NRGN: variants seen among roughly 807,000 people sequenced by gnomAD.
The protein encoded by NRGN is calmodulin-binding protein.
For synonymous variants in NRGN, 47 were observed against 52.8 expected (o/e 0.89, Z 0.47); for missense variants, 82 against 123.0 (o/e 0.67, Z 1.58).
At chr11:124,741,557 G>A (rs1591421270) in intron 1 of NRGN, among the ~76,000 whole-genome samples, 1 of 151,926 alleles carries the variant, frequency 6.6e-6, no homozygotes, top group East Asian at 1.9e-4. Context: ...GCAATTTTTT[G>A]GTTGTGAAGG....
chr11:124,743,902 G>GAA (rs56291708), intron 1 of NRGN, among the ~76,000 whole-genome samples: 1 of 134,936 alleles, frequency 7.4e-6, no homozygotes, highest in Non-Finnish European at 1.6e-5. Context: ...TTCATGAAAA[G>GAA]AAAAAAAAAA....
intron 1 of NRGN, among the ~76,000 whole-genome samples, chr11:124,742,050 T>C (rs905035743): frequency 3.9e-5 from 6 of 152,112 alleles, no homozygotes; most frequent in African/African-American, 7.2e-5. Flanking sequence ...CCTTCCCAAG[T>C]CATGCCCTGT....
Position 124,739,950 on chromosome 11 carries a change from C to G in NRGN, c.-135C>G. On this transcript the variant is annotated 5_prime_UTR_variant, in exon 1 of 4. Transcript: ENST00000284292. ...GCGGAGCCGAGCGCGGGAGACCGGA[C>G]CCGAGAGCAGAGCTGCTGTTTCGGC... The G allele has an allele frequency of 2.2e-6, 1 of 451,726 alleles. No individual in the cohort carries two copies. The highest frequency in any genetic ancestry group is 3.9e-6 in the Non-Finnish European group (1 of 254,270). 28.0% of individuals were successfully genotyped at this position (451,726 alleles called of 1,614,324 possible).
Position 124,745,450 on chromosome 11 carries a change from C to T in NRGN, c.16-53C>T. 2 of 1,383,350 alleles carry T rather than the reference C, an allele frequency of 1.4e-6. No individual in the cohort carries two copies. Among genetic ancestry groups the T allele is most frequent in the Middle Eastern group, 3.7e-4 (2 of 5,390 alleles). The allele number at this position is 1,383,350 out of a possible 1,614,324, so 85.7% of individuals were successfully genotyped here. On this transcript the variant is annotated intron_variant, in intron 1 of 3. Coordinates refer to ENST00000284292, the MANE Select transcript of NRGN (RefSeq NM_006176.3). This position sits in a 1 kb window ranked among gnomAD's most constrained non-coding sequence, Gnocchi z 6.4. Reference sequence around the variant, plus strand: ...CTCAGGGCTCTATTCCTACCCCACTCCCGCGGATCAAGACCCAGTGACCCC... The same window carrying T: ...CTCAGGGCTCTATTCCTACCCCACTTCCGCGGATCAAGACCCAGTGACCCC...
chr11:124,743,652 A>G (rs936885983), intron 1 of NRGN, among the ~76,000 whole-genome samples: 2 of 152,190 alleles, frequency 1.3e-5, no homozygotes, highest in African/African-American at 2.4e-5. Context: ...CTTGGGAAAC[A>G]TGGCGAGGGG....
At chr11:124,743,179 T>C (rs1338821483) in intron 1 of NRGN, among the ~76,000 whole-genome samples, 1 of 152,220 alleles carries the variant, frequency 6.6e-6, no homozygotes, top group African/African-American at 2.4e-5. Flanking sequence ...GGGAGGAACA[T>C]GGAGTGTCGG....
intron 1 of NRGN, among the ~76,000 whole-genome samples, chr11:124,743,324 G>C (rs528895773): frequency 6.6e-6 from 1 of 152,202 alleles, no homozygotes; most frequent in East Asian, 1.9e-4. Context: ...CCACAGCTGC[G>C]AGGCCAAGGA....
At chr11:124,744,718 T>C (rs1404822736) in intron 1 of NRGN, 3 of 152,262 alleles carry the variant, frequency 2.0e-5, no homozygotes, top group African/African-American at 7.2e-5. Context: ...ACAAGGTAAG[T>C]GCTTAAGTGG....
chr11:124,742,909 C>G (rs190571906), intron 1 of NRGN, among the ~76,000 whole-genome samples: 11 of 152,272 alleles, frequency 7.2e-5, no homozygotes, highest in Admixed American at 7.2e-4. Context: ...AGTGATGTGC[C>G]CAGTTGGGAC....
In NRGN at chr11:124,740,011, C is replaced by A. The variant is rs977407678; in HGVS notation, c.-74C>A. On this transcript the variant is annotated 5_prime_UTR_variant, in exon 1 of 4. Transcript: ENST00000284292. The surrounding 1 kb of genome is among the most constrained non-coding windows in gnomAD (Gnocchi z 7.5). ...TGGCGGCCGACTGCCCCAGAGCCCC[C>A]ACCCGGCACCACACAGACCCCACCC... is the stretch of plus-strand genomic sequence containing the variant. 7.1e-6 allele frequency: 5 copies of A among 699,590 alleles called. No homozygotes were observed. Among genetic ancestry groups the A allele is most frequent in the African/African-American group, 1.9e-5 (1 of 53,234 alleles). The allele number at this position is 699,590 out of a possible 1,614,324, so 43.3% of individuals were successfully genotyped here.
At chr11:124,743,177 C>T (rs1272734370) in intron 1 of NRGN, among the ~76,000 whole-genome samples, 3 of 152,226 alleles carry the variant, frequency 2.0e-5, no homozygotes, top group Non-Finnish European at 4.4e-5. Context: ...TGGGGAGGAA[C>T]ATGGAGTGTC....
intron 1 of NRGN, among the ~76,000 whole-genome samples, chr11:124,741,914 T>A (rs1943969180): frequency 6.6e-6 from 1 of 152,038 alleles, no homozygotes; most frequent in Non-Finnish European, 1.5e-5. Flanking sequence ...GTAGACATGG[T>A]TGAAGTCAGT....
Position 124,739,992 on chromosome 11 carries a change from C to A in NRGN, c.-93C>A. 1 of 552,818 alleles carries A rather than the reference C, an allele frequency of 1.8e-6. No homozygotes were observed. Among genetic ancestry groups the A allele is most frequent in the African/African-American group, 2.0e-5 (1 of 50,712 alleles). The allele number at this position is 552,818 out of a possible 1,614,324, so 34.2% of individuals were successfully genotyped here. A position where few individuals can be genotyped will look rare whatever the true frequency, so the allele number is the denominator to read the frequency against. The stretch of plus-strand genomic sequence containing the variant: ...TGTTTCGGCGCGGGTCGGCTGGCGG[C>A]CGACTGCCCCAGAGCCCCCACCCGG... On this transcript the variant is annotated 5_prime_UTR_variant, in exon 1 of 4. Transcript: ENST00000284292.
At position 124,745,414 on chromosome 11, in the gene NRGN, A is replaced by T; in HGVS notation, c.16-89A>T. On this transcript the variant is annotated intron_variant, in intron 1 of 3. Transcript: ENST00000284292. This position sits in a 1 kb window ranked among gnomAD's most constrained non-coding sequence, Gnocchi z 6.4. ...GTACCTCCCACCCCCGCGTCGCCAT[A>T]GTCCCTGTCCCTCAGGGCTCTATTC... is the stretch of plus-strand genomic sequence containing the variant. The T allele has an allele frequency of 1.0e-6, 1 of 954,148 alleles. No homozygotes were observed. The highest frequency in any genetic ancestry group is 1.5e-6 in the Non-Finnish European group (1 of 662,970). 59.1% of individuals were successfully genotyped at this position (954,148 alleles called of 1,614,324 possible).
At position 124,740,053 on chromosome 11, in the gene NRGN, T is replaced by G; in HGVS notation, c.-32T>G. ...ACCCCACCCCCGCCCTGCGCCAGCC[T>G]TCGTCCCCGCAGAGGACCCCCCGAC... On this transcript the variant is annotated 5_prime_UTR_variant, in exon 1 of 4. Transcript: ENST00000284292. The surrounding 1 kb of genome is among the most constrained non-coding windows in gnomAD (Gnocchi z 7.5). The G allele has an allele frequency of 8.4e-6, 10 of 1,191,850 alleles. No homozygotes were observed. Among genetic ancestry groups the G allele is most frequent in the South Asian group, 2.8e-5 (1 of 35,124 alleles). The allele number at this position is 1,191,850 out of a possible 1,614,324, so 73.8% of individuals were successfully genotyped here.
chr11:124,741,235 C>T (rs1943963453), intron 1 of NRGN, among the ~76,000 whole-genome samples: 4 of 152,192 alleles, frequency 2.6e-5, no homozygotes, highest in Admixed American at 2.6e-4. Context: ...AGCAACAACC[C>T]TGTGAAGTAG....
In NRGN at chr11:124,746,795, C is replaced by T. The variant is rs567581513; in HGVS notation, c.*415C>T. The stretch of plus-strand genomic sequence containing the variant: ...CACTTAAAGAAAAAACGAGTTCTTT[C>T]GTTCTGTGCGCAGCTAAAAGGGGCG... On this transcript the variant is annotated 3_prime_UTR_variant, in exon 4 of 4. Coordinates refer to ENST00000284292, the MANE Select transcript of NRGN (RefSeq NM_006176.3). 2 of 152,556 alleles carry T rather than the reference C, an allele frequency of 1.3e-5. No individual in the cohort carries two copies. The highest frequency in any genetic ancestry group is 2.4e-5 in the African/African-American group (1 of 41,588). 9.5% of individuals were successfully genotyped at this position (152,556 alleles called of 1,614,324 possible). A position where few individuals can be genotyped will look rare whatever the true frequency, so the allele number is the denominator to read the frequency against.
intron 1 of NRGN, among the ~76,000 whole-genome samples, chr11:124,743,852 C>T (rs1265091799): frequency 1.5e-5 from 2 of 136,836 alleles, no homozygotes; most frequent in East Asian, 2.1e-4. Context: ...TTGGTCATCT[C>T]GTGTCCTAGA....
intron 1 of NRGN, among the ~76,000 whole-genome samples, chr11:124,741,743 C>T (rs77717225): frequency 1.1e-3 from 163 of 151,774 alleles, no homozygotes; most frequent in African/African-American, 2.8e-3. Flanking sequence ...AAGTGGGAGA[C>T]GTGGTCACTG....
Sources: gnomAD v4.1 joint callset for allele counts (sites outside exome capture counted in the v4.1 genomes callset) on GRCh38, gnomAD v4.1.1 for gene constraint, Gnocchi (gnomAD v3.1) non-coding constraint, MANE v1.5 for transcripts, NCBI Gene and HGNC (gene_info 2026-07-23, HGNC 2026-07-21) for gene names.